The following PTK2 variants were observed in gnomAD, a reference collection of about 807,000 sequenced individuals.
PTK2 encodes protein tyrosine kinase 2, also known as focal adhesion kinase 1.
A neutral mutation model predicts 150.1 loss-of-function variants in PTK2; 45 were observed. That is an observed-to-expected ratio of 0.30 (90% CI 0.24 to 0.38). The LOEUF is 0.38. Ranked by LOEUF, PTK2 falls within the 10% of genes least tolerant of loss-of-function variation. PTK2 has a pLI of 1.00. For synonymous variants in PTK2, 432 were observed against 449.2 expected, an observed-to-expected ratio of 0.96 and a Z score of 0.48; for missense variants, 919 against 1,307.3, an observed-to-expected ratio of 0.70 and a Z score of 4.58.
chr8:140,690,519 T>G (rs904312604), intron 26 of PTK2, among the ~76,000 whole-genome samples: 1 of 152,212 alleles, frequency 6.6e-6, no homozygotes, highest in Non-Finnish European at 1.5e-5. Context: ...TTTAAAATAT[T>G]GTATACCTCA....
intron 1 of PTK2, among the ~76,000 whole-genome samples, chr8:140,969,975 C>T (rs950730751): frequency 2.0e-5 from 3 of 152,232 alleles, no homozygotes; most frequent in Non-Finnish European, 4.4e-5. Flanking sequence ...GCACACTACC[C>T]TCTGGAGGCA....
intron 1 of PTK2, among the ~76,000 whole-genome samples, chr8:140,989,300 A>T (rs1324533824): frequency 6.7e-6 from 1 of 149,454 alleles, no homozygotes; most frequent in African/African-American, 2.5e-5. Context: ...AGGCTGAGGG[A>T]GGAGGATTGC....
chr8:140,892,404 C>T lies in PTK2; in HGVS notation c.-32-1635G>A, dbSNP rs190566543. On this transcript the variant is annotated intron_variant, in intron 2 of 31. Coordinates refer to ENST00000522684, the Ensembl canonical transcript of PTK2. ...TACAATAAAGAGCCAGGAGTCGTGG[C>T]GCATGCTTGTGGTCCCAGCTACTTG... Among the ~76,000 whole-genome samples, 660 of 152,136 alleles carry T rather than the reference C, an allele frequency of 4.3e-3. 4 individuals are homozygous for T. Among genetic ancestry groups the T allele is most frequent in the African/African-American group, 0.015 (625 of 41,508 alleles).
intron 22 of PTK2, among the ~76,000 whole-genome samples, chr8:140,727,975 C>T (rs2100046924): frequency 6.6e-6 from 1 of 152,060 alleles, no homozygotes; most frequent in South Asian, 2.1e-4. Flanking sequence ...GAGGGTTGAT[C>T]ACTTGAGGTG....
chr8:140,736,027 G>T (rs148394079), intron 21 of PTK2, among the ~76,000 whole-genome samples: 1 of 152,300 alleles, frequency 6.6e-6, no homozygotes, highest in Admixed American at 6.5e-5. Context: ...GCTTCAAGTC[G>T]TCTTGTCTAT....
chr8:140,955,668 TG>T (rs1569469010), intron 1 of PTK2, among the ~76,000 whole-genome samples: 1 of 151,890 alleles, frequency 6.6e-6, no homozygotes, highest in African/African-American at 2.4e-5. Context: ...CAGAAAAACT[TG>T]GGGGAAATGA....
intron 1 of PTK2, among the ~76,000 whole-genome samples, chr8:140,989,051 GACT>G (rs750360033): frequency 6.6e-6 from 1 of 151,734 alleles, no homozygotes; most frequent in Non-Finnish European, 1.5e-5. Context: ...TGATAAACTG[GACT>G]ACATTAAACT....
rs991172671 is a variant in PTK2, at chr8:140,896,091, T to C, written c.-32-5322A>G. Among the ~76,000 whole-genome samples the C allele has an allele frequency of 4.6e-5, 7 of 152,220 alleles. 1 individual carries two copies. The Middle Eastern group carries it at 0.01, about 223-fold the overall frequency. ...ATTATTAATAACTATGCCAATGAAT[T>C]TGAAAATTTAGATAAGCACAATTCC... On this transcript the variant is annotated intron_variant, in intron 2 of 31. Transcript: ENST00000522684.
chr8:140,794,883 T>G (rs1321768928), intron 12 of PTK2, among the ~76,000 whole-genome samples: 2 of 152,174 alleles, frequency 1.3e-5, no homozygotes, highest in Non-Finnish European at 2.9e-5. Context: ...CTTGTCTACA[T>G]GACACCTCCC....
chr8:140,705,103 T>C (rs1591329348), intron 24 of PTK2, among the ~76,000 whole-genome samples: 1 of 152,148 alleles, frequency 6.6e-6, no homozygotes, highest in South Asian at 2.1e-4. Flanking sequence ...GAATTAGACA[T>C]TAGAATCTGG....
At chr8:140,884,333 G>C (rs1029099748) in intron 3 of PTK2, among the ~76,000 whole-genome samples, 9 of 152,092 alleles carry the variant, frequency 5.9e-5, no homozygotes, top group African/African-American at 2.2e-4. Context: ...TTTTCTTAAA[G>C]CTTTCCTTTC....
chr8:140,713,594 G>A (rs2100037939), intron 23 of PTK2, among the ~76,000 whole-genome samples: 2 of 152,156 alleles, frequency 1.3e-5, no homozygotes, highest in South Asian at 2.1e-4. Context: ...GACCTACAGA[G>A]GTCCAAGGAC....
chr8:140,739,911 G>A (rs1331989413), intron 20 of PTK2, among the ~76,000 whole-genome samples: 1 of 152,214 alleles, frequency 6.6e-6, no homozygotes, highest in East Asian at 1.9e-4. Context: ...CTTTGTGCAT[G>A]TCCTCAAATG....
chr8:140,680,299 C>T (rs960159154), intron 27 of PTK2, among the ~76,000 whole-genome samples: 2 of 152,146 alleles, frequency 1.3e-5, no homozygotes, highest in Non-Finnish European at 2.9e-5. Context: ...ACAATCTCGG[C>T]TTACTGCAAC....
At chr8:140,920,249 T>A (rs753552883) in intron 2 of PTK2, among the ~76,000 whole-genome samples, 2 of 152,160 alleles carry the variant, frequency 1.3e-5, no homozygotes, top group Non-Finnish European at 2.9e-5. Flanking sequence ...TCCCAAATAC[T>A]GTCTTGAATG....
At chr8:140,923,307 T>C (rs1398781227) in intron 2 of PTK2, among the ~76,000 whole-genome samples, 5 of 152,172 alleles carry the variant, frequency 3.3e-5, no homozygotes, top group Non-Finnish European at 7.4e-5. Context: ...CAGGTGATAC[T>C]GCTAATAATA....
At chr8:140,791,914 C>T (rs953935940) in intron 13 of PTK2, among the ~76,000 whole-genome samples, 9 of 152,170 alleles carry the variant, frequency 5.9e-5, no homozygotes, top group Non-Finnish European at 1.3e-4. Context: ...AACAATCACA[C>T]GGGCTCCTGC....
chr8:140,903,666 T>C (rs2100159684), intron 2 of PTK2, among the ~76,000 whole-genome samples: 1 of 152,174 alleles, frequency 6.6e-6, no homozygotes, highest in Non-Finnish European at 1.5e-5. Context: ...GTTTGTGTCC[T>C]CTCTTATTTC....
At chr8:140,805,988 A>T (rs750539619) in intron 10 of PTK2, among the ~76,000 whole-genome samples, 14 of 152,164 alleles carry the variant, frequency 9.2e-5, no homozygotes, top group Non-Finnish European at 1.8e-4. Context: ...TCTTGATGAT[A>T]TGTGCTCTAG....
Sources: gnomAD v4.1 joint callset for allele counts (sites outside exome capture counted in the v4.1 genomes callset) on GRCh38, gnomAD v4.1.1 for gene constraint, MANE v1.5 for transcripts, NCBI Gene and HGNC (gene_info 2026-07-23, HGNC 2026-07-21) for gene names.